ZSWIM6: variants seen among roughly 807,000 people sequenced by gnomAD.
ZSWIM6 encodes zinc finger SWIM-type containing 6, also known as zinc finger SWIM domain-containing protein 6.
ZSWIM6 carries 9 observed loss-of-function variants against 113.2 expected under a neutral mutation model. The ratio of observed to expected loss-of-function variants is 0.08; its 90% confidence interval spans 0.05 to 0.14. The LOEUF (loss-of-function observed/expected upper bound fraction) is 0.14. Among genes scored for constraint, ZSWIM6 ranks in the 10% least tolerant of loss-of-function variants. The pLI is 1.00. For synonymous variants in ZSWIM6, 611 were observed against 606.5 expected, an observed-to-expected ratio of 1.01 and a Z score of -0.11; for missense variants, 1,162 against 1,552.2, an observed-to-expected ratio of 0.75 and a Z score of 4.22.
In ZSWIM6 at chr5:61,545,831, T is replaced by C. The variant is rs928786978; in HGVS notation, c.*1514T>C. ...AGTATAGTGTCTTTACTTTAGCTGA[T>C]GGTTCTGTAACCTTGTGCTTTTTAA... On this transcript the variant is annotated 3_prime_UTR_variant, in exon 14 of 14. Coordinates refer to ENST00000252744, the MANE Select transcript of ZSWIM6 (RefSeq NM_020928.2). 11 of 152,208 alleles carry C rather than the reference T, an allele frequency of 7.2e-5. No homozygotes were observed. Among genetic ancestry groups the C allele is most frequent in the Non-Finnish European group, 1.2e-4 (8 of 68,024 alleles). The allele number at this position is 152,208 out of a possible 1,614,324, so 9.4% of individuals were successfully genotyped here.
chr5:61,540,295 G>A (rs1006861738), intron 12 of ZSWIM6, among the ~76,000 whole-genome samples: 1 of 152,166 alleles, frequency 6.6e-6, no homozygotes, highest in Non-Finnish European at 1.5e-5. Context: ...TTTTGAGTTC[G>A]TCATGCAGAT....
rs2112297725 is a variant in ZSWIM6 at position 61,543,821 on chromosome 5, C to A, written c.3152C>A (p.Thr1051Asn). Residue 1051 changes from threonine (T) to asparagine (N), a missense_variant, in exon 14 of 14, where the codon ACC becomes AAC. This residue lies in a region of ZSWIM6 where 113 missense variants were observed against 213.8 expected (regional missense o/e 0.53). Coordinates refer to ENST00000252744, the MANE Select transcript of ZSWIM6 (RefSeq NM_020928.2). This position sits in a 1 kb window ranked among gnomAD's most constrained non-coding sequence, Gnocchi z 4.3. ...GYPMRAYKLATLAMTHLNLSY... is the reference protein window; with the variant it reads ...GYPMRAYKLANLAMTHLNLSY... ...CCCATGAGGGCCTACAAGCTGGCCA[C>A]CCTGGCCATGACCCATCTCAACCTG... The A allele has an allele frequency of 1.3e-6, 2 of 1,551,948 alleles. No homozygotes were observed. Among genetic ancestry groups the A allele is most frequent in the South Asian group, 2.4e-5 (2 of 84,060 alleles).
intron 1 of ZSWIM6, among the ~76,000 whole-genome samples, chr5:61,348,700 T>C (rs115756370): frequency 0.011 from 1,710 of 152,308 alleles, 25 homozygotes; most frequent in African/African-American, 0.038. Context: ...AGAATTGAGC[T>C]TTGAACCCAA....
At chr5:61,439,243 C>G (rs1029075226) in intron 1 of ZSWIM6, among the ~76,000 whole-genome samples, 3 of 152,144 alleles carry the variant, frequency 2.0e-5, no homozygotes, top group Middle Eastern at 3.2e-3. Context: ...TTTGAGATTT[C>G]CCTATGTTCA....
At chr5:61,446,808 A>C (rs976134682) in intron 1 of ZSWIM6, among the ~76,000 whole-genome samples, 1 of 152,160 alleles carries the variant, frequency 6.6e-6, no homozygotes, top group Admixed American at 6.6e-5. Context: ...AATAACATAA[A>C]TGTACATACA....
chr5:61,390,544 G>A, intron 1 of ZSWIM6: 2 of 488,234 alleles, frequency 4.1e-6, no homozygotes, highest in South Asian at 3.9e-5. Flanking sequence ...GCTCTGGAGA[G>A]CCTACAAAAG....
chr5:61,479,921 T>G (rs1747810270), intron 2 of ZSWIM6, among the ~76,000 whole-genome samples: 1 of 151,980 alleles, frequency 6.6e-6, no homozygotes, highest in Admixed American at 6.6e-5. Context: ...ACCAGCTTTT[T>G]TTTTTTAAGT....
chr5:61,494,254 C>T lies in ZSWIM6; in HGVS notation c.1183-6C>T, dbSNP rs1283023252. 13 of 1,549,172 alleles carry T rather than the reference C, an allele frequency of 8.4e-6. No individual in the cohort carries two copies. The highest frequency in any genetic ancestry group is 5.5e-5 in the African/African-American group (4 of 72,880). On this transcript the variant is annotated splice_region_variant and splice_polypyrimidine_tract_variant and intron_variant, in intron 3 of 13. Coordinates refer to ENST00000252744, the MANE Select transcript of ZSWIM6 (RefSeq NM_020928.2). ...AATTTTCTAAAGGTCTGTTTTTCCC[C>T]ATTAGGTGCGGGAGATGTTAAAGAT...
chr5:61,345,416 G>A (rs1048613322), intron 1 of ZSWIM6, among the ~76,000 whole-genome samples: 1 of 152,102 alleles, frequency 6.6e-6, no homozygotes, highest in Non-Finnish European at 1.5e-5. Flanking sequence ...TAAAGTTTTT[G>A]GATGCATATA....
chr5:61,461,226 G>A (rs1747317478), intron 1 of ZSWIM6, among the ~76,000 whole-genome samples: 1 of 152,108 alleles, frequency 6.6e-6, no homozygotes, highest in South Asian at 2.1e-4. Flanking sequence ...CCCTGTAGTA[G>A]CCAGGCAAGG....
intron 2 of ZSWIM6, among the ~76,000 whole-genome samples, chr5:61,477,513 C>G (rs1747737230): frequency 6.6e-6 from 1 of 152,178 alleles, no homozygotes; most frequent in African/African-American, 2.4e-5. Flanking sequence ...TAGCTTCACC[C>G]AGGTGTGCAT....
chr5:61,460,686 C>T (rs1216971387), intron 1 of ZSWIM6, among the ~76,000 whole-genome samples: 2 of 151,990 alleles, frequency 1.3e-5, no homozygotes, highest in Admixed American at 6.6e-5. Context: ...GGATGCCTCC[C>T]GGGAGACTTG....
At chr5:61,405,751 T>G (rs1445068280) in intron 1 of ZSWIM6, among the ~76,000 whole-genome samples, 1 of 152,186 alleles carries the variant, frequency 6.6e-6, no homozygotes, top group East Asian at 1.9e-4. Flanking sequence ...TCATTTCTGT[T>G]TGGACTTTAT....
intron 1 of ZSWIM6, among the ~76,000 whole-genome samples, chr5:61,369,662 CCTGA>C (rs765804569): frequency 1.3e-5 from 2 of 152,280 alleles, no homozygotes; most frequent in Admixed American, 6.5e-5. Context: ...TTATGATGAT[CCTGA>C]CTGACGGGGC....
intron 6 of ZSWIM6, 75 bp downstream of exon 6, chr5:61,526,051 A>G: frequency 1.3e-6 from 2 of 1,507,008 alleles, no homozygotes; most frequent in South Asian, 1.3e-5. Flanking sequence ...CTGGAATGGG[A>G]GGTGGAGAAC....
intron 1 of ZSWIM6, among the ~76,000 whole-genome samples, chr5:61,355,152 A>T (rs1390784497): frequency 2.0e-5 from 3 of 152,112 alleles, no homozygotes; most frequent in Admixed American, 6.5e-5. Flanking sequence ...ATGGGGTTAT[A>T]TCAGTTTCCC....
At chr5:61,435,578 T>C (rs1393975867) in intron 1 of ZSWIM6, among the ~76,000 whole-genome samples, 1 of 152,232 alleles carries the variant, frequency 6.6e-6, no homozygotes, top group Non-Finnish European at 1.5e-5. Flanking sequence ...TTCCTTCTGA[T>C]AGATGTTCCA....
At chr5:61,396,470 G>T (rs1007644305) in intron 1 of ZSWIM6, among the ~76,000 whole-genome samples, 1 of 149,974 alleles carries the variant, frequency 6.7e-6, no homozygotes, top group African/African-American at 2.5e-5. Flanking sequence ...GGCAGAGGTT[G>T]CAGTGAGCCG....
chr5:61,434,383 G>A (rs918636059), intron 1 of ZSWIM6, among the ~76,000 whole-genome samples: 1 of 151,670 alleles, frequency 6.6e-6, no homozygotes, highest in Non-Finnish European at 1.5e-5. Flanking sequence ...TGAGATTTTG[G>A]TGTATCTGTC....
Sources: gnomAD v4.1 joint callset for allele counts (sites outside exome capture counted in the v4.1 genomes callset) on GRCh38, gnomAD v4.1.1 for gene constraint, gnomAD v4.1.1 regional missense constraint, Gnocchi (gnomAD v3.1) non-coding constraint, MANE v1.5 for transcripts, NCBI Gene and HGNC (gene_info 2026-07-23, HGNC 2026-07-21) for gene names.